RAP1GAP: variants seen among roughly 807,000 people sequenced by gnomAD.
RAP1GAP encodes the protein RAP1 GTPase activating protein.
RAP1GAP carries 35 observed loss-of-function variants against 87.2 expected under a neutral mutation model. That is an observed-to-expected ratio of 0.40 (90% CI 0.31 to 0.53). The LOEUF is 0.53. RAP1GAP is among the 20% of genes least tolerant of loss of function. The pLI, the probability that RAP1GAP is intolerant of heterozygous loss-of-function variation, is 0.48. For synonymous variants in RAP1GAP, 375 were observed against 363.9 expected (o/e 1.03, Z -0.35); for missense variants, 734 against 898.9 (o/e 0.82, Z 2.35).
rs773684612 is a variant in RAP1GAP, at chr1:21,606,196, C to T, written c.1298G>A (p.Arg433Gln). 1.1e-5 allele frequency: 17 copies of T among 1,578,726 alleles called. No individual in the cohort carries two copies. Among genetic ancestry groups the T allele is most frequent in the African/African-American group, 1.3e-5 (1 of 74,530 alleles). Residue 433 changes from arginine to glutamine, a missense_variant and splice_region_variant, in exon 18 of 25, where the codon CGG (arginine) becomes CAG (glutamine). Physicochemically the swap from Arg to Gln is conservative, Grantham distance 43. This residue lies in a region of RAP1GAP where 485 missense variants were observed against 646.2 expected (regional missense o/e 0.75). Coordinates refer to ENST00000374765, the MANE Select transcript of RAP1GAP (RefSeq NM_002885.4). ...GGACTGGCTGCGGCTCCGGATGACC[C>T]GCTGTGAAGGGGGTGGCAGTGGAGG... ...GGGGFFESFK[R>Q]VIRSRSQSMD... is the part of the protein sequence containing the mutation.
chr1:21,631,254 G>A (rs829382), intron 2 of RAP1GAP, among the ~76,000 whole-genome samples: 3 of 152,218 alleles, frequency 2.0e-5, no homozygotes, highest in East Asian at 1.9e-4. Context: ...CAGCAGCTGC[G>A]GGGAGCCCAG....
intron 1 of RAP1GAP, chr1:21,667,818 A>G (rs193078549): frequency 7.9e-5 from 12 of 152,430 alleles, no homozygotes; most frequent in Admixed American, 1.3e-4. Flanking sequence ...CTGCCCTGAA[A>G]TATTGCTGTG....
chr1:21,655,573 C>T (rs1276966891), intron 1 of RAP1GAP, among the ~76,000 whole-genome samples: 17 of 152,252 alleles, frequency 1.1e-4, no homozygotes. Context: ...GAAGTCACTG[C>T]CATCGTTGAA....
At chr1:21,646,726 A>C (rs537219607) in intron 2 of RAP1GAP, among the ~76,000 whole-genome samples, 47 of 152,192 alleles carry the variant, frequency 3.1e-4, no homozygotes, top group African/African-American at 1.1e-3. Flanking sequence ...ATCCATTTGA[A>C]TACACTTTAA....
chr1:21,658,225 G>C (rs1324265915), intron 1 of RAP1GAP, among the ~76,000 whole-genome samples: 1 of 152,242 alleles, frequency 6.6e-6, no homozygotes, highest in Admixed American at 6.5e-5. Context: ...AGCTACTGAA[G>C]TCATTCTGAA....
chr1:21,597,536 G>T, intron 24 of RAP1GAP, 150 bp downstream of exon 24: 1 of 777,608 alleles, frequency 1.3e-6, no homozygotes. Flanking sequence ...GCCTGCCCAA[G>T]TCACCCAGCA....
chr1:21,600,809 C>T (rs375204923), intron 20 of RAP1GAP, among the ~76,000 whole-genome samples: 5 of 138,956 alleles, frequency 3.6e-5, no homozygotes, highest in East Asian at 2.2e-4. Flanking sequence ...GGCGTGAACC[C>T]GGGAGGTGGA....
chr1:21,637,323 ATT>A (rs34089727), intron 2 of RAP1GAP, among the ~76,000 whole-genome samples: 37 of 146,158 alleles, frequency 2.5e-4, no homozygotes, highest in Admixed American at 3.4e-4. Flanking sequence ...CATCCGGCTA[ATT>A]TTTTTTTTTT....
chr1:21,611,565 C>A lies in RAP1GAP; in HGVS notation c.730G>T (p.Asp244Tyr). ...GTCCCCGTCTGCCCGTGGGTCACGT[C>A]CAGGCCTCCTCGGAACCTGCCCCGG... Reference protein sequence around the residue: ...QDFKGFRGGLDVTHGQTGTES... With the variant: ...QDFKGFRGGLYVTHGQTGTES... Residue 244 changes from aspartate to tyrosine, a missense_variant, in exon 13 of 25, where the codon GAC becomes TAC. Physicochemically the swap from Asp to Tyr is radical, Grantham distance 160. This residue lies in a region of RAP1GAP where 485 missense variants were observed against 646.2 expected (regional missense o/e 0.75). Coordinates refer to ENST00000374765, the MANE Select transcript of RAP1GAP (RefSeq NM_002885.4). The A allele has an allele frequency of 2.5e-6, 4 of 1,614,176 alleles. No homozygotes were observed. Among genetic ancestry groups the A allele is most frequent in the Non-Finnish European group, 3.4e-6 (4 of 1,180,016 alleles).
intron 2 of RAP1GAP, among the ~76,000 whole-genome samples, chr1:21,643,331 G>A (rs1042119403): frequency 3.3e-5 from 5 of 151,994 alleles, no homozygotes; most frequent in African/African-American, 7.3e-5. Flanking sequence ...AGGCCGAGAC[G>A]GGCGGATCAT....
chr1:21,610,124 T>C lies in RAP1GAP; in HGVS notation c.995A>G (p.Tyr332Cys), dbSNP rs1275036399. The change falls in exon 14 of 25, where the codon TAC becomes TGC. Residue 332 changes from tyrosine (Y) to cysteine (C), a missense_variant. By Grantham distance (194) the Tyr-to-Cys change is radical. Coordinates refer to ENST00000374765, the MANE Select transcript of RAP1GAP (RefSeq NM_002885.4). ...GGAGGCTCCAAGAGCGCCCACCTTGTAGAGGGGGCCATCAGGGCCCCCGCC... is the reference window on the plus strand; with the variant it reads ...GGAGGCTCCAAGAGCGCCCACCTTGCAGAGGGGGCCATCAGGGCCCCCGCC... ...AEGGGPDGPL[Y>C]KVSVTARDDV... 1.2e-6 allele frequency: 2 copies of C among 1,613,608 alleles called. No individual in the cohort carries two copies.
chr1:21,609,598 G>A lies in RAP1GAP; in HGVS notation c.1048C>T (p.Pro350Ser). The change falls in exon 15 of 25, where the codon CCG becomes TCG. Residue 350 changes from proline to serine, a missense_variant. By Grantham distance (74) the Pro-to-Ser change is moderately conservative. Transcript: ENST00000374765. The surrounding 1 kb of genome is among the most constrained non-coding windows in gnomAD (Gnocchi z 4.4). ...DDVPFFGPPL[P>S]DPAVFRKGPE... ...ACCTTCCTGAACACAGCGGGGTCCG[G>A]GAGGGGGGGTCCAAAGAAGGGCACA... 6.3e-7 allele frequency: 1 copy of A among 1,579,914 alleles called. No individual in the cohort carries two copies. Among genetic ancestry groups the A allele is most frequent in the South Asian group, 1.2e-5 (1 of 83,166 alleles).
chr1:21,611,692 T>C (rs763078926), intron 12 of RAP1GAP, 24 bp downstream of exon 12: 5 of 1,612,178 alleles, frequency 3.1e-6, no homozygotes, highest in Non-Finnish European at 3.4e-6. Flanking sequence ...GATTACACTC[T>C]GCTCAGCCCA....
Position 21,622,257 on chromosome 1 carries a change from G to A in RAP1GAP, c.-18-2207C>T, listed in dbSNP as rs938253905. 1 of 406,904 alleles carries A rather than the reference G, an allele frequency of 2.5e-6. No individual in the cohort carries two copies. Among genetic ancestry groups the A allele is most frequent in the Non-Finnish European group, 4.4e-6 (1 of 227,158 alleles). The allele number at this position is 406,904 out of a possible 1,614,324, so 25.2% of individuals were successfully genotyped here. ...GCCTTGTCCGCCCGCCCTGGCTGGG[G>A]CAGAGCCGGCCGGGCTCCCCAGCAG... On this transcript the variant is annotated intron_variant, in intron 3 of 24. Transcript: ENST00000374765. The surrounding 1 kb of genome is among the most constrained non-coding windows in gnomAD (Gnocchi z 5.7).
chr1:21,641,970 C>T lies in RAP1GAP; in HGVS notation c.-113+7791G>A, dbSNP rs115872949. 5.0e-3 allele frequency among the ~76,000 whole-genome samples: 755 copies of T among 152,338 alleles called. 7 individuals are homozygous for T. The highest frequency in any genetic ancestry group is 0.017 in the African/African-American group (691 of 41,582). Reference sequence around the variant, plus strand: ...GAAACAGCTGCATTGTTACACCGGCCGGCCCTTTAAAAGCACCTCCTCACT... The same window carrying T: ...GAAACAGCTGCATTGTTACACCGGCTGGCCCTTTAAAAGCACCTCCTCACT... On this transcript the variant is annotated intron_variant, in intron 2 of 24. Coordinates refer to ENST00000374765, the MANE Select transcript of RAP1GAP (RefSeq NM_002885.4).
At chr1:21,635,707 G>A (rs959259193) in intron 2 of RAP1GAP, among the ~76,000 whole-genome samples, 11 of 152,212 alleles carry the variant, frequency 7.2e-5, no homozygotes, top group Non-Finnish European at 8.8e-5. Context: ...CTCCCCAGGC[G>A]GGGTGACCAC....
intron 4 of RAP1GAP, among the ~76,000 whole-genome samples, chr1:21,619,597 G>A (rs2085286506): frequency 1.3e-5 from 2 of 152,158 alleles, no homozygotes; most frequent in South Asian, 4.2e-4. Flanking sequence ...GGTGGAGGGT[G>A]GAGGGGTAAT....
At chr1:21,652,339 G>A (rs1220023027) in intron 1 of RAP1GAP, among the ~76,000 whole-genome samples, 1 of 152,190 alleles carries the variant, frequency 6.6e-6, no homozygotes, top group Non-Finnish European at 1.5e-5. Flanking sequence ...CTAGGACCTG[G>A]GGATGACGAA....
chr1:21,642,861 C>A (rs1378060491), intron 2 of RAP1GAP, among the ~76,000 whole-genome samples: 1 of 146,232 alleles, frequency 6.8e-6, no homozygotes, highest in African/African-American at 2.6e-5. Flanking sequence ...GCACAGTGCA[C>A]CTCCCTTCCC....
Sources: allele counts gnomAD v4.1 joint callset (sites outside exome capture counted in the v4.1 genomes callset), GRCh38; gene constraint gnomAD v4.1.1; regional missense constraint gnomAD v4.1.1; non-coding constraint Gnocchi (gnomAD v3.1); transcripts MANE v1.5; gene names NCBI Gene and HGNC (gene_info 2026-07-23, HGNC 2026-07-21).